The following CUX1 variants were observed in gnomAD, a reference collection of about 807,000 sequenced individuals.
The protein encoded by CUX1 is protein CASP.
A neutral mutation model predicts 158.8 loss-of-function variants in CUX1; 31 were observed. The observed-to-expected ratio is 0.20, with a 90% CI of 0.15 to 0.26. The LOEUF (loss-of-function observed/expected upper bound fraction) is 0.26. CUX1 is among the 10% of genes least tolerant of loss of function. CUX1 has a pLI of 1.00. For missense variants in CUX1, 1,589 were observed against 2,014.6 expected, an observed-to-expected ratio of 0.79 and a Z score of 4.04; for synonymous variants, 879 against 862.1, an observed-to-expected ratio of 1.02 and a Z score of -0.34.
rs113481494 is a variant in CUX1, at chr7:101,974,676, G to A, written c.142-53422G>A. On this transcript the variant is annotated intron_variant, in intron 2 of 23. Transcript: ENST00000292535. ...TGCCTTTTGTATCACAGAGAAGAGC[G>A]CAGCCAGGGGTGATATCAGCTGAGG... Among the ~76,000 whole-genome samples, 11 of 152,306 alleles carry A rather than the reference G, an allele frequency of 7.2e-5. 1 individual carries two copies. Among genetic ancestry groups the A allele is most frequent in the African/African-American group, 2.4e-4 (10 of 41,570 alleles).
chr7:101,874,901 T>TG (rs959512499), intron 1 of CUX1, among the ~76,000 whole-genome samples: 3 of 152,170 alleles, frequency 2.0e-5, no homozygotes, highest in African/African-American at 4.8e-5. Context: ...GACACCAGGC[T>TG]GGGGGGCCGC....
At chr7:101,943,362 C>A (rs1807954876) in intron 2 of CUX1, among the ~76,000 whole-genome samples, 1 of 152,094 alleles carries the variant, frequency 6.6e-6, no homozygotes, top group Admixed American at 6.6e-5. Flanking sequence ...CCGCCGTGGC[C>A]TCCCAAAGTT....
chr7:102,151,005 A>G (rs376908965), intron 8 of CUX1, among the ~76,000 whole-genome samples: 1 of 152,186 alleles, frequency 6.6e-6, no homozygotes, highest in African/African-American at 2.4e-5. Flanking sequence ...TTTTAGACCA[A>G]TGTCAGGCTG....
intron 1 of CUX1, among the ~76,000 whole-genome samples, chr7:101,911,256 C>G (rs1040006743): frequency 3.3e-5 from 5 of 152,272 alleles, no homozygotes; most frequent in Non-Finnish European, 7.3e-5. Context: ...ATGGCCTGAG[C>G]CTTGGCCTTG....
At chr7:101,949,042 A>T (rs1359798471) in intron 2 of CUX1, among the ~76,000 whole-genome samples, 1 of 152,196 alleles carries the variant, frequency 6.6e-6, no homozygotes, top group Non-Finnish European at 1.5e-5. Flanking sequence ...ATTTTATTTT[A>T]TAAAGATCTG....
intron 5 of CUX1, among the ~76,000 whole-genome samples, chr7:102,101,799 C>A (rs1374665972): frequency 3.3e-5 from 5 of 152,080 alleles, no homozygotes; most frequent in African/African-American, 1.2e-4. Flanking sequence ...GTAATCCCAG[C>A]TCTTCGGGAG....
At chr7:102,023,926 T>C (rs1819694597) in intron 2 of CUX1, among the ~76,000 whole-genome samples, 1 of 152,184 alleles carries the variant, frequency 6.6e-6, no homozygotes, top group Non-Finnish European at 1.5e-5. Flanking sequence ...GACATGAATA[T>C]GCTCAAAAGG....
intron 2 of CUX1, among the ~76,000 whole-genome samples, chr7:101,938,656 A>T (rs939204314): frequency 7.2e-5 from 11 of 152,156 alleles, no homozygotes; most frequent in Non-Finnish European, 1.0e-4. Flanking sequence ...CTGTAATCCC[A>T]GCACTTTGGG....
Position 102,256,484 on chromosome 7 carries a change from A to C in CUX1, c.*7442A>C, listed in dbSNP as rs1789908578. 2.0e-6 allele frequency: 2 copies of C among 985,368 alleles called. No individual in the cohort carries two copies. The highest frequency in any genetic ancestry group is 2.4e-6 in the Non-Finnish European group (2 of 829,922). 61.0% of individuals were successfully genotyped at this position (985,368 alleles called of 1,614,324 possible). On this transcript the variant is annotated 3_prime_UTR_variant, in exon 24 of 24. Transcript: ENST00000292535. ...TCCTCCCCTACTCCCCCAGAGAACC[A>C]AGGCGTCTGGGGGATTGACTGGGGG...
intron 4 of CUX1, among the ~76,000 whole-genome samples, chr7:102,082,046 A>C (rs1262175314): frequency 6.8e-6 from 1 of 146,730 alleles, no homozygotes; most frequent in Non-Finnish European, 1.5e-5. Context: ...CTAGTGAGCC[A>C]GCAGCCTCCA....
intron 2 of CUX1, among the ~76,000 whole-genome samples, chr7:101,940,429 C>T (rs1244636525): frequency 2.0e-5 from 3 of 151,886 alleles, no homozygotes; most frequent in African/African-American, 4.8e-5. Flanking sequence ...CCTGCGGGCG[C>T]GCACAGGTGA....
chr7:102,237,368 C>T (rs144173970), intron 22 of CUX1, among the ~76,000 whole-genome samples: 25 of 151,756 alleles, frequency 1.6e-4, no homozygotes, highest in African/African-American at 4.6e-4. Flanking sequence ...CACGCAGCCT[C>T]GGTGTTCTGG....
chr7:102,234,580 C>T (rs1563460347), intron 22 of CUX1, among the ~76,000 whole-genome samples: 1 of 152,012 alleles, frequency 6.6e-6, no homozygotes, highest in Non-Finnish European at 1.5e-5. Context: ...GAGCATGTAC[C>T]AGGTGGCTAG....
intron 2 of CUX1, among the ~76,000 whole-genome samples, chr7:101,995,663 T>C (rs934361861): frequency 2.0e-5 from 3 of 152,184 alleles, no homozygotes; most frequent in Non-Finnish European, 2.9e-5. Context: ...CGTCCAAAAC[T>C]GTTGTTGGTG....
rs115156346 is a variant in CUX1, at chr7:101,827,097, C to T, written c.30+9428C>T. Among the ~76,000 whole-genome samples, 323 of 152,184 alleles carry T rather than the reference C, an allele frequency of 2.1e-3. 2 individuals carry two copies. Among genetic ancestry groups the T allele is most frequent in the African/African-American group, 7.5e-3 (312 of 41,526 alleles). ...TTACTTTTTCAGTCCCATTAATTATCTTTCTTTGCAAAGTAACATAAGTGT... is the reference window on the plus strand; with the variant it reads ...TTACTTTTTCAGTCCCATTAATTATTTTTCTTTGCAAAGTAACATAAGTGT... On this transcript the variant is annotated intron_variant, in intron 1 of 23. Coordinates refer to ENST00000292535, the MANE Select transcript of CUX1 (RefSeq NM_181552.4).
At chr7:101,861,301 G>A (rs772431645) in intron 1 of CUX1, among the ~76,000 whole-genome samples, 3 of 152,172 alleles carry the variant, frequency 2.0e-5, no homozygotes, top group Non-Finnish European at 2.9e-5. Context: ...GGTTTCAAGT[G>A]CAATGGCGTC....
intron 11 of CUX1, among the ~76,000 whole-genome samples, chr7:102,181,595 G>A (rs1554514009): frequency 6.6e-6 from 1 of 152,192 alleles, no homozygotes; most frequent in Non-Finnish European, 1.5e-5. Context: ...TTAATACCGT[G>A]CAGTTAATGA....
chr7:102,250,647 T>C lies in CUX1; in HGVS notation c.*1605T>C. ...CAACTTCCAAACCTACCATTTGCCC[T>C]TCTTTCATTTCGCCTCTTAGTTCTT... is the stretch of plus-strand genomic sequence containing the variant. On this transcript the variant is annotated 3_prime_UTR_variant, in exon 24 of 24. Transcript: ENST00000292535. 8 of 985,432 alleles carry C rather than the reference T, an allele frequency of 8.1e-6. 1 individual carries two copies. The South Asian group carries it at 3.8e-4, about 46-fold the overall frequency. 61.0% of individuals were successfully genotyped at this position (985,432 alleles called of 1,614,324 possible). A position where few individuals can be genotyped will look rare whatever the true frequency, so the allele number is the denominator to read the frequency against.
chr7:101,959,537 C>G (rs929566392), intron 2 of CUX1: 2 of 152,156 alleles, frequency 1.3e-5, no homozygotes, highest in African/African-American at 4.8e-5. Context: ...TCTGCCTCTT[C>G]GGGTGCCAAC....
Sources: allele counts gnomAD v4.1 joint callset (sites outside exome capture counted in the v4.1 genomes callset), GRCh38; gene constraint gnomAD v4.1.1; transcripts MANE v1.5; gene names NCBI Gene and HGNC (gene_info 2026-07-23, HGNC 2026-07-21).